The following ATP13A3 variants were observed in gnomAD, a reference collection of about 807,000 sequenced individuals.
The protein encoded by ATP13A3 is ATPase 13A3, also known as polyamine-transporting ATPase 13A3.
A neutral mutation model predicts 158.1 loss-of-function variants in ATP13A3; 59 were observed. That is an observed-to-expected ratio of 0.37 (90% CI 0.30 to 0.46). The LOEUF (loss-of-function observed/expected upper bound fraction) is 0.46. Ranked by LOEUF, ATP13A3 falls within the 20% of genes least tolerant of loss-of-function variation. The pLI, the probability that ATP13A3 is intolerant of heterozygous loss-of-function variation, is 1.00. For missense variants in ATP13A3, 1,166 were observed against 1,525.2 expected (o/e 0.76, Z 3.92); for synonymous variants, 491 against 504.3 (o/e 0.97, Z 0.35).
intron 2 of ATP13A3, among the ~76,000 whole-genome samples, chr3:194,472,846 A>C (rs997010076): frequency 2.6e-5 from 4 of 152,262 alleles, no homozygotes; most frequent in African/African-American, 7.2e-5. Context: ...TGTCTTTTGC[A>C]GTAACACGGA....
At chr3:194,408,976 C>T (rs1313448829) in intron 33 of ATP13A3, among the ~76,000 whole-genome samples, 1 of 152,148 alleles carries the variant, frequency 6.6e-6, no homozygotes, top group Non-Finnish European at 1.5e-5. Flanking sequence ...ACAGAATGAG[C>T]ATGTGGGTCT....
chr3:194,409,099 G>A (rs568912152), intron 33 of ATP13A3, among the ~76,000 whole-genome samples: 6 of 152,180 alleles, frequency 3.9e-5, no homozygotes, highest in Non-Finnish European at 7.3e-5. Flanking sequence ...CATCCCCTCA[G>A]AGAAGGAAAG....
At chr3:194,431,396 T>A (rs1485229295) in intron 22 of ATP13A3, among the ~76,000 whole-genome samples, 170 bp from the exon 23 acceptor site, 1 of 152,190 alleles carries the variant, frequency 6.6e-6, no homozygotes, top group Non-Finnish European at 1.5e-5. Flanking sequence ...AAATATCAGC[T>A]TCAATTTGAA....
chr3:194,419,741 G>C, intron 31 of ATP13A3, 138 bp downstream of exon 31: 1 of 1,337,260 alleles, frequency 7.5e-7, no homozygotes, highest in South Asian at 1.9e-5. Context: ...ATTTTCATTA[G>C]GTTCTTTATT....
At chr3:194,410,305 A>C (rs1047180034) in intron 33 of ATP13A3, among the ~76,000 whole-genome samples, 1 of 137,844 alleles carries the variant, frequency 7.3e-6, no homozygotes, top group Non-Finnish European at 1.5e-5. Context: ...GCAAAAAAAA[A>C]AAAAAAAAAA....
At chr3:194,417,958 C>CGGAAGGAAGGAA (rs1198337838) in intron 31 of ATP13A3, among the ~76,000 whole-genome samples, 830 of 76,844 alleles carry the variant, frequency 0.011, 20 homozygotes, top group Middle Eastern at 0.032. Flanking sequence ...GACGGACGGA[C>CGGAAGGAAGGAA]GGAAGGAAGG....
chr3:194,410,322 A>C (rs796957679), intron 33 of ATP13A3, among the ~76,000 whole-genome samples: 26 of 137,900 alleles, frequency 1.9e-4, no homozygotes, highest in African/African-American at 7.7e-4. Context: ...AAAAAAAAAA[A>C]AAAAAAAAAC....
At chr3:194,434,759 A>T (rs1374618635) in intron 20 of ATP13A3, among the ~76,000 whole-genome samples, 1 of 152,162 alleles carries the variant, frequency 6.6e-6, no homozygotes, top group African/African-American at 2.4e-5. Context: ...TCTACAAAAA[A>T]TGAAAAAACA....
chr3:194,462,234 T>A lies in ATP13A3; in HGVS notation c.-44A>T, dbSNP rs1719714591. On this transcript the variant is annotated splice_region_variant and 5_prime_UTR_variant, in exon 3 of 34. Coordinates refer to ENST00000645319, the MANE Select transcript of ATP13A3 (RefSeq NM_001367549.1). ...GTCCAGTGCTTCAAACAATGGAAGA[T>A]CACTGAGGGAAGAAAGGGAACAGAC... 1.9e-6 allele frequency: 3 copies of A among 1,555,216 alleles called. No homozygotes were observed. The highest frequency in any genetic ancestry group is 1.8e-6 in the Non-Finnish European group (2 of 1,126,792).
At chr3:194,473,392 A>G (rs1312535725) in intron 2 of ATP13A3, among the ~76,000 whole-genome samples, 1 of 152,148 alleles carries the variant, frequency 6.6e-6, no homozygotes, top group Non-Finnish European at 1.5e-5. Context: ...GGAAGAGAAC[A>G]ATAACAAAGA....
intron 2 of ATP13A3, among the ~76,000 whole-genome samples, chr3:194,466,187 G>A (rs1719979091): frequency 6.6e-6 from 1 of 152,032 alleles, no homozygotes; most frequent in Non-Finnish European, 1.5e-5. Context: ...CTTAAGAAAA[G>A]CAGAGAAAGA....
chr3:194,472,185 GC>G, intron 2 of ATP13A3: 1 of 156,024 alleles, frequency 6.4e-6, no homozygotes. Flanking sequence ...GTAGCCATTT[GC>G]CCCAATTTAA....
At chr3:194,478,801 C>T (rs1720632124) in intron 2 of ATP13A3, among the ~76,000 whole-genome samples, 1 of 152,114 alleles carries the variant, frequency 6.6e-6, no homozygotes, top group African/African-American at 2.4e-5. Context: ...AATGCAACAG[C>T]ACAGTGTTTA....
At chr3:194,416,020 T>C (rs1161161515) in intron 31 of ATP13A3, among the ~76,000 whole-genome samples, 1 of 152,116 alleles carries the variant, frequency 6.6e-6, no homozygotes, top group Non-Finnish European at 1.5e-5. Context: ...GCAACCTAAA[T>C]CCAAATTTCA....
intron 2 of ATP13A3, among the ~76,000 whole-genome samples, chr3:194,475,079 G>A (rs1054909227): frequency 1.3e-5 from 2 of 152,116 alleles, no homozygotes; most frequent in African/African-American, 4.8e-5. Flanking sequence ...GGATGCTAGG[G>A]AATAATATAG....
intron 17 of ATP13A3, 41 bp from the exon 18 acceptor site, chr3:194,437,614 C>T: frequency 6.4e-7 from 1 of 1,553,872 alleles, no homozygotes; most frequent in East Asian, 2.3e-5. Flanking sequence ...TACAGATTAA[C>T]TCTATTAACA....
At chr3:194,412,605 A>G in intron 32 of ATP13A3, 1 of 318,404 alleles carries the variant, frequency 3.1e-6, no homozygotes, top group Non-Finnish European at 6.1e-6. Flanking sequence ...GGTTATTTTC[A>G]TTGAATATCT....
Position 194,405,869 on chromosome 3 carries a change from A to G in ATP13A3, c.*50T>C. The G allele has an allele frequency of 6.3e-7, 1 of 1,586,598 alleles. No individual in the cohort carries two copies. Among genetic ancestry groups the G allele is most frequent in the Non-Finnish European group, 8.7e-7 (1 of 1,155,748 alleles). On this transcript the variant is annotated 3_prime_UTR_variant, in exon 34 of 34. Transcript: ENST00000645319. ...CACAGGATCAGAAACTCCTAAAATCACATATTCCTGAATACTGCTATCAGC... is the reference window on the plus strand; with the variant it reads ...CACAGGATCAGAAACTCCTAAAATCGCATATTCCTGAATACTGCTATCAGC...
chr3:194,442,591 A>C (rs1468326266), intron 15 of ATP13A3, among the ~76,000 whole-genome samples: 2 of 152,164 alleles, frequency 1.3e-5, no homozygotes, highest in African/African-American at 4.8e-5. Context: ...CTTGGAAAGA[A>C]CCAAGTAAAC....
Sources: gnomAD v4.1 joint callset for allele counts (sites outside exome capture counted in the v4.1 genomes callset) on GRCh38, gnomAD v4.1.1 for gene constraint, MANE v1.5 for transcripts, NCBI Gene and HGNC (gene_info 2026-07-23, HGNC 2026-07-21) for gene names.